Variants in RSPO2 observed in about 807,000 individuals in gnomAD.
RSPO2 encodes R-spondin-2.
A neutral mutation model predicts 30.9 loss-of-function variants in RSPO2; 14 were observed. The ratio of observed to expected loss-of-function variants is 0.45; its 90% CI spans 0.30 to 0.71. The LOEUF is 0.71. RSPO2 is among the 30% of genes least tolerant of loss of function. RSPO2 has a pLI of 0.08. For synonymous variants in RSPO2, 107 were observed against 96.4 expected (o/e 1.11, Z -0.64); for missense variants, 264 against 301.9 (o/e 0.87, Z 0.93).
At chr8:107,947,000 G>A (rs1363056579) in intron 5 of RSPO2, among the ~76,000 whole-genome samples, 1 of 152,196 alleles carries the variant, frequency 6.6e-6, no homozygotes, top group Non-Finnish European at 1.5e-5. Context: ...CCGGTCAAGG[G>A]ATTAGAATTC....
intron 2 of RSPO2, among the ~76,000 whole-genome samples, chr8:108,003,301 ATATATATATATTTTTTTTT>A (rs1347204106): frequency 4.7e-3 from 116 of 24,598 alleles, no homozygotes; most frequent in African/African-American, 0.017. Context: ...ATATATATAT[ATATATATATATTTTTTTTT>A]TTTTTTTTTT....
chr8:108,000,598 A>G (rs1281661926), intron 2 of RSPO2, among the ~76,000 whole-genome samples: 2 of 152,012 alleles, frequency 1.3e-5, no homozygotes, highest in Admixed American at 6.6e-5. Context: ...AAGGAAAGCT[A>G]AATTTAGCAC....
intron 2 of RSPO2, among the ~76,000 whole-genome samples, chr8:107,997,470 C>T (rs777282556): frequency 6.6e-6 from 1 of 152,170 alleles, no homozygotes; most frequent in African/African-American, 2.4e-5. Context: ...CCAACCAAAA[C>T]AGTTTTCTAA....
At chr8:108,042,349 T>C (rs1811784855) in intron 2 of RSPO2, among the ~76,000 whole-genome samples, 1 of 152,004 alleles carries the variant, frequency 6.6e-6, no homozygotes, top group African/African-American at 2.4e-5. Flanking sequence ...AAGGAGACTG[T>C]CCAATAATGA....
chr8:107,912,886 A>AT (rs1811866482), intron 5 of RSPO2, among the ~76,000 whole-genome samples: 1 of 152,148 alleles, frequency 6.6e-6, no homozygotes, highest in Non-Finnish European at 1.5e-5. Context: ...AAATCAAATA[A>AT]ATGTAAGTAG....
At chr8:107,988,360 A>G (rs1814721788) in intron 3 of RSPO2, among the ~76,000 whole-genome samples, 1 of 152,030 alleles carries the variant, frequency 6.6e-6, no homozygotes, top group Non-Finnish European at 1.5e-5. Flanking sequence ...AAAGAGAAAA[A>G]GAAGCTATAG....
chr8:108,021,571 G>C (rs1586634567), intron 2 of RSPO2, among the ~76,000 whole-genome samples: 1 of 152,254 alleles, frequency 6.6e-6, no homozygotes, highest in East Asian at 1.9e-4. Context: ...GAAGGGATGT[G>C]CTAATACCCT....
At position 108,064,464 on chromosome 8, in the gene RSPO2, C is replaced by A. The variant is rs1233116408; in HGVS notation, c.94+18081G>T. Among the ~76,000 whole-genome samples the A allele has an allele frequency of 1.1e-4, 16 of 152,256 alleles. 1 individual carries two copies. In the Middle Eastern group the frequency reaches 0.01, roughly 97 times the overall value. ...CCATCAGAGAAATGCAAATCAAAAC[C>A]ACAATGAGATACCATCTCACACCAT... On this transcript the variant is annotated intron_variant, in intron 2 of 5. Transcript: ENST00000276659.
At position 107,979,863 on chromosome 8, in the gene RSPO2, CT is replaced by C. The variant is rs745667594; in HGVS notation, c.283+9192del. Among the ~76,000 whole-genome samples the C allele has an allele frequency of 3.0e-4, 46 of 152,224 alleles. 1 individual carries two copies. The highest frequency in any genetic ancestry group is 5.1e-4 in the Non-Finnish European group (35 of 68,008). The stretch of plus-strand genomic sequence containing the variant: ...GGCCTGGGATTACAGCAACAGCTTC[CT>C]AATTGGTCTCTGTGCCTCCTCTCTG... On this transcript the variant is annotated intron_variant, in intron 3 of 5. Transcript: ENST00000276659.
At chr8:107,941,166 G>A (rs1016361287) in intron 5 of RSPO2, among the ~76,000 whole-genome samples, 7 of 151,672 alleles carry the variant, frequency 4.6e-5, no homozygotes, top group African/African-American at 7.3e-5. Context: ...ATCATATCCC[G>A]ACTCTGAAAT....
At chr8:107,955,563 A>AT (rs1165752175) in intron 5 of RSPO2, among the ~76,000 whole-genome samples, 96 of 152,010 alleles carry the variant, frequency 6.3e-4, no homozygotes, top group African/African-American at 1.6e-3. Flanking sequence ...ATATTATTTG[A>AT]TTTTTTTTAA....
chr8:108,044,667 G>C (rs1213934481), intron 2 of RSPO2, among the ~76,000 whole-genome samples: 2 of 152,042 alleles, frequency 1.3e-5, no homozygotes, highest in Non-Finnish European at 2.9e-5. Flanking sequence ...GTGCTGCAAT[G>C]AACATACATG....
intron 2 of RSPO2, among the ~76,000 whole-genome samples, chr8:108,031,448 C>T (rs1209635422): frequency 1.3e-5 from 2 of 152,060 alleles, no homozygotes; most frequent in Non-Finnish European, 2.9e-5. Flanking sequence ...ACTATACATC[C>T]CATGCACTTT....
chr8:108,058,284 T>C (rs200413339), intron 2 of RSPO2, among the ~76,000 whole-genome samples: 3 of 152,034 alleles, frequency 2.0e-5, no homozygotes, highest in South Asian at 2.1e-4. Flanking sequence ...AGGAATCCAA[T>C]TTACAAGGGA....
chr8:108,038,422 G>A (rs546784044), intron 2 of RSPO2, among the ~76,000 whole-genome samples: 35 of 152,216 alleles, frequency 2.3e-4, no homozygotes, highest in African/African-American at 6.5e-4. Flanking sequence ...TAAACATCAC[G>A]GAAACAACAA....
chr8:107,915,903 T>G (rs1463008998), intron 5 of RSPO2, among the ~76,000 whole-genome samples: 2 of 152,118 alleles, frequency 1.3e-5, no homozygotes, highest in Non-Finnish European at 2.9e-5. Flanking sequence ...GGTTTGTCTT[T>G]GGGGATCTGG....
At chr8:108,043,717 A>G (rs898593466) in intron 2 of RSPO2, among the ~76,000 whole-genome samples, 4 of 152,104 alleles carry the variant, frequency 2.6e-5, no homozygotes, top group Non-Finnish European at 5.9e-5. Context: ...GCTGAACTTT[A>G]CAACTGTGAT....
chr8:107,983,901 A>AT (rs1050117046), intron 3 of RSPO2: 2 of 1,351,924 alleles, frequency 1.5e-6, no homozygotes, highest in African/African-American at 2.9e-5. Flanking sequence ...CCGCCCTTGG[A>AT]TTTTCCATCT....
chr8:108,003,466 C>T (rs894573020), intron 2 of RSPO2, among the ~76,000 whole-genome samples: 15 of 150,706 alleles, frequency 1.0e-4, no homozygotes, highest in Admixed American at 4.6e-4. Flanking sequence ...TGTGAGCCAC[C>T]GTGCCCGGCC....
Sources: allele counts gnomAD v4.1 joint callset (sites outside exome capture counted in the v4.1 genomes callset), GRCh38; gene constraint gnomAD v4.1.1; transcripts MANE v1.5; gene names NCBI Gene and HGNC (gene_info 2026-07-23, HGNC 2026-07-21).